KCNAB1: variants seen among roughly 807,000 people sequenced by gnomAD.
KCNAB1 encodes the protein potassium voltage-gated channel subfamily A regulatory beta subunit 1.
Under a neutral mutation model 64.6 loss-of-function variants are expected in KCNAB1, and 35 were observed. The ratio of observed to expected loss-of-function variants is 0.54; its 90% CI spans 0.41 to 0.72. The LOEUF (loss-of-function observed/expected upper bound fraction) is 0.72. Ranked by LOEUF, KCNAB1 falls within the 30% of genes least tolerant of loss-of-function variation. KCNAB1 has a pLI of 0.00. For missense variants in KCNAB1, 401 were observed against 512.9 expected, an observed-to-expected ratio of 0.78 and a Z score of 2.11; for synonymous variants, 177 against 183.8, an observed-to-expected ratio of 0.96 and a Z score of 0.30.
intron 8 of KCNAB1, among the ~76,000 whole-genome samples, chr3:156,494,452 G>T (rs1439144325): frequency 6.6e-6 from 1 of 152,042 alleles, no homozygotes; most frequent in Non-Finnish European, 1.5e-5. Flanking sequence ...CACCTATTCT[G>T]CATGGTGCCT....
chr3:156,393,432 T>C (rs3772260), intron 1 of KCNAB1, among the ~76,000 whole-genome samples: 21,561 of 152,214 alleles, frequency 0.14, 1,861 homozygotes, highest in Middle Eastern at 0.21. Flanking sequence ...AAATGCCACC[T>C]GACTGCCAGG....
intron 1 of KCNAB1, among the ~76,000 whole-genome samples, chr3:156,151,329 C>T (rs1051531757): frequency 1.1e-4 from 17 of 152,130 alleles, no homozygotes; most frequent in African/African-American, 4.1e-4. Context: ...ATCTAGTTAC[C>T]AACTAATTCT....
chr3:156,532,161 G>A (rs1406089863), intron 13 of KCNAB1, among the ~76,000 whole-genome samples: 1 of 152,140 alleles, frequency 6.6e-6, no homozygotes, highest in East Asian at 1.9e-4. Flanking sequence ...GCAAATTTAG[G>A]AGGCCCATCC....
At chr3:156,305,145 A>G (rs1721406561) in intron 1 of KCNAB1, among the ~76,000 whole-genome samples, 1 of 152,194 alleles carries the variant, frequency 6.6e-6, no homozygotes. Context: ...ATTGCAAGCG[A>G]CCATATACCT....
chr3:156,368,457 C>T (rs1352054153), intron 1 of KCNAB1, among the ~76,000 whole-genome samples: 3 of 152,298 alleles, frequency 2.0e-5, no homozygotes, highest in East Asian at 1.9e-4. Context: ...GACAGGGTCT[C>T]TCTCTGTTGC....
intron 1 of KCNAB1, among the ~76,000 whole-genome samples, chr3:156,196,325 G>GT (rs35034997): frequency 2.6e-5 from 4 of 152,144 alleles, no homozygotes; most frequent in Non-Finnish European, 4.4e-5. Context: ...ATTTAAAGTA[G>GT]TTTTTTCAAG....
intron 1 of KCNAB1, among the ~76,000 whole-genome samples, chr3:156,249,902 A>C (rs1226009413): frequency 1.3e-5 from 2 of 152,252 alleles, no homozygotes; most frequent in African/African-American, 4.8e-5. Flanking sequence ...GTAAGACCTT[A>C]GCAAGATGAG....
At chr3:156,407,446 T>C (rs1198972212) in intron 1 of KCNAB1, among the ~76,000 whole-genome samples, 1 of 152,218 alleles carries the variant, frequency 6.6e-6, no homozygotes, top group African/African-American at 2.4e-5. Context: ...TTGTTTATCA[T>C]GGGTCTTCCC....
At chr3:156,242,228 A>T (rs1331745638) in intron 1 of KCNAB1, among the ~76,000 whole-genome samples, 1 of 151,992 alleles carries the variant, frequency 6.6e-6, no homozygotes, top group African/African-American at 2.4e-5. Context: ...TTGTTTTATT[A>T]TTATTATTTG....
intron 8 of KCNAB1, among the ~76,000 whole-genome samples, chr3:156,486,322 T>C (rs1715212854): frequency 6.6e-6 from 1 of 152,068 alleles, no homozygotes; most frequent in Non-Finnish European, 1.5e-5. Context: ...ACTCTGGAGC[T>C]CCTCACTGGC....
At chr3:156,337,039 T>C (rs1006609902) in intron 1 of KCNAB1, among the ~76,000 whole-genome samples, 3 of 152,246 alleles carry the variant, frequency 2.0e-5, no homozygotes, top group African/African-American at 7.2e-5. Flanking sequence ...CTGCGATTAT[T>C]GTTACCTTAT....
intron 1 of KCNAB1, among the ~76,000 whole-genome samples, chr3:156,133,463 T>C (rs1180107984): frequency 6.6e-6 from 1 of 152,250 alleles, no homozygotes; most frequent in African/African-American, 2.4e-5. Context: ...TTTAAGGACA[T>C]TCTTTTATTA....
chr3:156,534,773 G>A (rs1043069287), intron 13 of KCNAB1, among the ~76,000 whole-genome samples: 4 of 152,154 alleles, frequency 2.6e-5, no homozygotes, highest in African/African-American at 9.7e-5. Context: ...CCCAGGCAGT[G>A]TAACATCAAG....
At chr3:156,304,547 G>A (rs760252898) in intron 1 of KCNAB1, among the ~76,000 whole-genome samples, 5 of 152,140 alleles carry the variant, frequency 3.3e-5, no homozygotes, top group Non-Finnish European at 7.4e-5. Context: ...TAGTGACTCA[G>A]GATTAAAAGG....
At chr3:156,499,548 C>T (rs892407403) in intron 8 of KCNAB1, among the ~76,000 whole-genome samples, 2 of 152,018 alleles carry the variant, frequency 1.3e-5, no homozygotes, top group Non-Finnish European at 2.9e-5. Context: ...CATCAAATCA[C>T]ATAATCAAAA....
intron 1 of KCNAB1, among the ~76,000 whole-genome samples, chr3:156,351,834 C>T (rs1424416419): frequency 6.6e-6 from 1 of 152,250 alleles, no homozygotes; most frequent in Admixed American, 6.5e-5. Flanking sequence ...CTCTCCCTGC[C>T]TCCCCTCTTT....
chr3:156,528,732 C>T (rs1166974714), intron 12 of KCNAB1, among the ~76,000 whole-genome samples: 1 of 152,154 alleles, frequency 6.6e-6, no homozygotes, highest in Non-Finnish European at 1.5e-5. Context: ...AGAAAAGCAG[C>T]AAGATGCTTG....
At chr3:156,499,716 A>G (rs1716253923) in intron 8 of KCNAB1, among the ~76,000 whole-genome samples, 1 of 152,158 alleles carries the variant, frequency 6.6e-6, no homozygotes, top group African/African-American at 2.4e-5. Context: ...GATTTTTTCA[A>G]ACATAAAGTG....
chr3:156,229,806 G>C (rs1466682570), intron 1 of KCNAB1, among the ~76,000 whole-genome samples: 1 of 152,072 alleles, frequency 6.6e-6, no homozygotes, highest in African/African-American at 2.4e-5. Context: ...TGTGCCTAGA[G>C]GTACTTGTTT....
Sources: gnomAD v4.1 joint callset for allele counts (sites outside exome capture counted in the v4.1 genomes callset) on GRCh38, gnomAD v4.1.1 for gene constraint, MANE v1.5 for transcripts, NCBI Gene and HGNC (gene_info 2026-07-23, HGNC 2026-07-21) for gene names.